The following KLHL24 variants were observed in gnomAD, a reference collection of about 807,000 sequenced individuals.
KLHL24 encodes the protein kelch like family member 24.
A neutral mutation model predicts 53.4 loss-of-function variants in KLHL24; 29 were observed. The ratio of observed to expected loss-of-function variants is 0.54; its 90% CI spans 0.40 to 0.74. The LOEUF (loss-of-function observed/expected upper bound fraction) is 0.74. KLHL24 is among the 30% of genes least tolerant of loss of function. KLHL24 has a pLI of 0.00. For synonymous variants in KLHL24, 222 were observed against 253.7 expected (o/e 0.88, Z 1.19); for missense variants, 504 against 744.0 (o/e 0.68, Z 3.75).
rs1030740878 is a variant in KLHL24, at chr3:183,664,856, A to G, written c.1106-65A>G. The G allele has an allele frequency of 1.6e-5, 13 of 834,256 alleles. No individual in the cohort carries two copies. The Admixed American group carries it at 1.7e-4, about 11-fold the overall frequency. 51.7% of individuals were successfully genotyped at this position (834,256 alleles called of 1,614,324 possible). ...TTTTCTTTACCTATGCCTTGGTGGC[A>G]CAGATCTCTTGGTGACAGCTATATC... On this transcript the variant is annotated intron_variant, in intron 4 of 7. Coordinates refer to ENST00000242810, the MANE Select transcript of KLHL24 (RefSeq NM_017644.3).
chr3:183,642,426 A>G (rs1716576343), intron 1 of KLHL24, among the ~76,000 whole-genome samples: 1 of 152,118 alleles, frequency 6.6e-6, no homozygotes, highest in Admixed American at 6.5e-5. Flanking sequence ...GGTCGTTTAT[A>G]TTTGGTTTTG....
chr3:183,638,201 A>AG (rs1313875135), intron 1 of KLHL24, among the ~76,000 whole-genome samples: 1 of 152,238 alleles, frequency 6.6e-6, no homozygotes, highest in Non-Finnish European at 1.5e-5. Flanking sequence ...CACTCAGTAA[A>AG]GGCTTGCTTA....
intron 3 of KLHL24, among the ~76,000 whole-genome samples, chr3:183,655,035 C>T (rs566220244): frequency 3.9e-5 from 6 of 152,272 alleles, no homozygotes; most frequent in East Asian, 1.9e-4. Context: ...CTCCAATGTA[C>T]GGTTAAGTTA....
At position 183,650,214 on chromosome 3, in the gene KLHL24, A is replaced by G; in HGVS notation, c.-61-82A>G. On this transcript the variant is annotated intron_variant, in intron 2 of 7. Coordinates refer to ENST00000242810, the MANE Select transcript of KLHL24 (RefSeq NM_017644.3). This position sits in a 1 kb window ranked among gnomAD's most constrained non-coding sequence, Gnocchi z 4.5. ...GAAATATATTATGTGATTTTGTTGT[A>G]GTGTTTATATTAAAATGAAATTATG... 1 of 622,394 alleles carries G rather than the reference A, an allele frequency of 1.6e-6. No homozygotes were observed. The highest frequency in any genetic ancestry group is 2.8e-6 in the Non-Finnish European group (1 of 360,006). 38.6% of individuals were successfully genotyped at this position (622,394 alleles called of 1,614,324 possible).
At chr3:183,657,999 G>A (rs1035705654) in intron 3 of KLHL24, among the ~76,000 whole-genome samples, 1 of 152,074 alleles carries the variant, frequency 6.6e-6, no homozygotes, top group Non-Finnish European at 1.5e-5. Flanking sequence ...GATCACCTGA[G>A]GTCTGGAGTT....
intron 7 of KLHL24, among the ~76,000 whole-genome samples, chr3:183,678,852 G>A (rs192226009): frequency 4.6e-3 from 705 of 152,180 alleles, no homozygotes; most frequent in South Asian, 7.3e-3. Context: ...ACATGATCTC[G>A]TTATTTCTTG....
At chr3:183,673,716 T>A (rs1047241177) in intron 7 of KLHL24, among the ~76,000 whole-genome samples, 1 of 152,216 alleles carries the variant, frequency 6.6e-6, no homozygotes, top group African/African-American at 2.4e-5. Context: ...ACTCTAGAGA[T>A]GTACTCTCAA....
chr3:183,667,184 C>A (rs1720688663), intron 5 of KLHL24, among the ~76,000 whole-genome samples: 1 of 152,126 alleles, frequency 6.6e-6, no homozygotes, highest in Admixed American at 6.5e-5. Context: ...CTTTGGGAGG[C>A]CAAGGTAGGT....
At chr3:183,646,753 T>C (rs1351582569) in intron 2 of KLHL24, among the ~76,000 whole-genome samples, 2 of 152,154 alleles carry the variant, frequency 1.3e-5, no homozygotes, top group African/African-American at 4.8e-5. Flanking sequence ...CAATGGGACA[T>C]ATTGTCTGTG....
At chr3:183,671,006 A>G (rs765366687) in intron 5 of KLHL24, 28 bp from the exon 6 acceptor site, 1 of 1,533,436 alleles carries the variant, frequency 6.5e-7, no homozygotes. Context: ...TTTGATAATT[A>G]AGATTTTTCC....
chr3:183,676,302 G>A (rs1711847351), intron 7 of KLHL24, among the ~76,000 whole-genome samples: 1 of 152,098 alleles, frequency 6.6e-6, no homozygotes, highest in Admixed American at 6.5e-5. Context: ...TGCCATGTTG[G>A]TCAGGCTGGT....
At chr3:183,668,085 T>C (rs1041447880) in intron 5 of KLHL24, among the ~76,000 whole-genome samples, 3 of 148,828 alleles carry the variant, frequency 2.0e-5, no homozygotes, top group Non-Finnish European at 4.4e-5. Flanking sequence ...ACAAGGCCAA[T>C]GAAATAATGA....
At chr3:183,673,993 A>G (rs2108885623) in intron 7 of KLHL24, among the ~76,000 whole-genome samples, 1 of 152,328 alleles carries the variant, frequency 6.6e-6, no homozygotes, top group South Asian at 2.1e-4. Flanking sequence ...TTAAATTTCA[A>G]ATAGAACTCA....
chr3:183,656,059 T>TTTTTCC (rs1178459038), intron 3 of KLHL24, among the ~76,000 whole-genome samples: 1 of 135,684 alleles, frequency 7.4e-6, no homozygotes, highest in Non-Finnish European at 1.6e-5. Context: ...TTTTTTTTTT[T>TTTTTCC]TTTCTGAGAC....
At chr3:183,664,810 A>G in intron 4 of KLHL24, 111 bp from the exon 5 acceptor site, 1 of 535,506 alleles carries the variant, frequency 1.9e-6, no homozygotes, top group South Asian at 4.4e-5. Flanking sequence ...AAATTCTTGA[A>G]TTAGATGAAT....
intron 3 of KLHL24, among the ~76,000 whole-genome samples, chr3:183,656,733 A>T (rs940964674): frequency 5.3e-5 from 8 of 151,974 alleles, no homozygotes; most frequent in African/African-American, 1.9e-4. Context: ...GTGGTCCCTG[A>T]CTGATGTTTC....
chr3:183,663,741 C>T lies in KLHL24; in HGVS notation c.1105+99C>T, dbSNP rs1720121966. ...TTAAAATAGTGAAATGTGAATACTC[C>T]CACTTGAGGAAGATCAGTTTACAAC... On this transcript the variant is annotated intron_variant, in intron 4 of 7. Transcript: ENST00000242810. The surrounding 1 kb of genome is among the most constrained non-coding windows in gnomAD (Gnocchi z 4.9). 1 of 614,338 alleles carries T rather than the reference C, an allele frequency of 1.6e-6. No homozygotes were observed. 38.1% of individuals were successfully genotyped at this position (614,338 alleles called of 1,614,324 possible). A position where few individuals can be genotyped will look rare whatever the true frequency, so the allele number is the denominator to read the frequency against.
intron 5 of KLHL24, among the ~76,000 whole-genome samples, chr3:183,669,824 C>G (rs1317095229): frequency 6.6e-6 from 1 of 152,056 alleles, no homozygotes; most frequent in African/African-American, 2.4e-5. Flanking sequence ...TGTGGACCCT[C>G]AAGTGGGTGA....
intron 2 of KLHL24, among the ~76,000 whole-genome samples, chr3:183,646,976 ATTTTTTT>A (rs34105624): frequency 5.2e-5 from 7 of 133,780 alleles, no homozygotes; most frequent in Non-Finnish European, 8.0e-5. Context: ...CGCCCAGCTA[ATTTTTTT>A]TTTTTTTTTT....
Sources: gnomAD v4.1 joint callset for allele counts (sites outside exome capture counted in the v4.1 genomes callset) on GRCh38, gnomAD v4.1.1 for gene constraint, Gnocchi (gnomAD v3.1) non-coding constraint, MANE v1.5 for transcripts, NCBI Gene and HGNC (gene_info 2026-07-23, HGNC 2026-07-21) for gene names.